Variants in LHFPL2 observed in about 807,000 individuals in gnomAD.
LHFPL2 encodes the protein LHFPL tetraspan subfamily member 2, also known as LHFPL tetraspan subfamily member 2 protein.
In LHFPL2, 7 loss-of-function variants were observed where a neutral mutation model predicts 17.5. That is an observed-to-expected ratio of 0.40 (90% CI 0.23 to 0.75). The LOEUF is 0.75. Ranked by LOEUF, LHFPL2 falls within the 30% of genes least tolerant of loss-of-function variation. The pLI is 0.37. For synonymous variants in LHFPL2, 134 were observed against 116.2 expected (o/e 1.15, Z -0.99); for missense variants, 241 against 294.8 (o/e 0.82, Z 1.34).
intron 2 of LHFPL2, among the ~76,000 whole-genome samples, chr5:78,618,668 T>C (rs758079576): frequency 1.6e-4 from 25 of 152,342 alleles, no homozygotes; most frequent in Middle Eastern, 3.4e-3. Context: ...GTCAGTCCGG[T>C]GACACGTACT....
intron 1 of LHFPL2, among the ~76,000 whole-genome samples, chr5:78,636,127 C>T (rs911203503): frequency 6.6e-6 from 1 of 152,158 alleles, no homozygotes; most frequent in African/African-American, 2.4e-5. Flanking sequence ...CTGAGGCTGC[C>T]GTCTGTGGCC....
At chr5:78,577,924 C>A (rs1280548606) in intron 2 of LHFPL2, among the ~76,000 whole-genome samples, 1 of 152,032 alleles carries the variant, frequency 6.6e-6, no homozygotes, top group African/African-American at 2.4e-5. Flanking sequence ...TTGCCCTTGG[C>A]CTCCTGGAAT....
At chr5:78,604,001 C>T (rs1346749692) in intron 2 of LHFPL2, among the ~76,000 whole-genome samples, 1 of 151,976 alleles carries the variant, frequency 6.6e-6, no homozygotes, top group African/African-American at 2.4e-5. Context: ...CACGGCAAGA[C>T]CCTACCTGCC....
At chr5:78,523,613 C>T (rs926500624) in intron 3 of LHFPL2, among the ~76,000 whole-genome samples, 4 of 152,130 alleles carry the variant, frequency 2.6e-5, no homozygotes, top group Non-Finnish European at 2.9e-5. Context: ...AGGGCGAGGA[C>T]AGAATGAGGG....
At chr5:78,610,587 C>A (rs1049449021) in intron 2 of LHFPL2, among the ~76,000 whole-genome samples, 4 of 152,152 alleles carry the variant, frequency 2.6e-5, no homozygotes, top group African/African-American at 9.7e-5. Flanking sequence ...AAACCCAGGA[C>A]ACCAGCACAT....
chr5:78,647,665 T>C (rs1047623391), intron 1 of LHFPL2, among the ~76,000 whole-genome samples: 2 of 152,084 alleles, frequency 1.3e-5, no homozygotes, highest in African/African-American at 2.4e-5. Flanking sequence ...GGGGTGGGGA[T>C]AGGACTTTGT....
In LHFPL2 at chr5:78,648,119, G is replaced by T. The variant is rs567069559; in HGVS notation, c.-350+380C>A. ...AGCGGTGCCAGGCGCGCTGGAACCC[G>T]GCGCCCAGCTGCGCCTGGGACCCAC... On this transcript the variant is annotated intron_variant, in intron 1 of 4. Coordinates refer to ENST00000380345, the MANE Select transcript of LHFPL2 (RefSeq NM_005779.3). This position sits in a 1 kb window ranked among gnomAD's most constrained non-coding sequence, Gnocchi z 5.4. Among the ~76,000 whole-genome samples, 1 of 152,284 alleles carries T rather than the reference G, an allele frequency of 6.6e-6. No individual in the cohort carries two copies. The highest frequency in any genetic ancestry group is 1.5e-5 in the Non-Finnish European group (1 of 68,004).
At chr5:78,638,635 C>T (rs561718872) in intron 1 of LHFPL2, among the ~76,000 whole-genome samples, 9 of 152,278 alleles carry the variant, frequency 5.9e-5, no homozygotes, top group East Asian at 1.9e-4. Context: ...GCCCTCCGGC[C>T]GCCTGCAAAG....
intron 2 of LHFPL2, among the ~76,000 whole-genome samples, chr5:78,618,543 C>T (rs1281963803): frequency 6.6e-6 from 1 of 152,218 alleles, no homozygotes; most frequent in African/African-American, 2.4e-5. Context: ...TATGGCCTCT[C>T]CTGCCATGAT....
intron 2 of LHFPL2, among the ~76,000 whole-genome samples, chr5:78,589,304 A>C (rs555251216): frequency 6.6e-6 from 1 of 152,008 alleles, no homozygotes; most frequent in Non-Finnish European, 1.5e-5. Flanking sequence ...CCCCATTTCT[A>C]CTCAAAATAA....
At chr5:78,594,139 G>A (rs1743746058) in intron 2 of LHFPL2, among the ~76,000 whole-genome samples, 1 of 152,214 alleles carries the variant, frequency 6.6e-6, no homozygotes, top group Non-Finnish European at 1.5e-5. Context: ...GGGCCAGACA[G>A]TTATCCTGGC....
chr5:78,505,700 G>A (rs1049910107), intron 4 of LHFPL2, among the ~76,000 whole-genome samples: 2 of 152,192 alleles, frequency 1.3e-5, no homozygotes, highest in Non-Finnish European at 1.5e-5. Context: ...TCCCTGTTCC[G>A]TAGAATGCAA....
At chr5:78,627,902 A>T (rs1289590432) in intron 2 of LHFPL2, among the ~76,000 whole-genome samples, 1 of 152,248 alleles carries the variant, frequency 6.6e-6, no homozygotes, top group East Asian at 1.9e-4. Flanking sequence ...CAGAAGCAAA[A>T]GACTAAGTCC....
chr5:78,490,291 G>A (rs751398294), intron 4 of LHFPL2, among the ~76,000 whole-genome samples: 4 of 152,124 alleles, frequency 2.6e-5, no homozygotes, highest in Non-Finnish European at 5.9e-5. Flanking sequence ...AAAAGGAGTC[G>A]CTTGCTGACC....
At position 78,531,659 on chromosome 5, in the gene LHFPL2, G is replaced by A. The variant is rs149232493; in HGVS notation, c.-185-21261C>T. Among the ~76,000 whole-genome samples, 3 of 152,260 alleles carry A rather than the reference G, an allele frequency of 2.0e-5. No homozygotes were observed. In the East Asian group the frequency reaches 5.8e-4, roughly 29 times the overall value. The stretch of plus-strand genomic sequence containing the variant: ...GAATAAAACCCTACTTGATGGGGTA[G>A]CAATGGGCCCGGCTCAAAAGCCTAC... On this transcript the variant is annotated intron_variant, in intron 3 of 4. Transcript: ENST00000380345.
intron 2 of LHFPL2, among the ~76,000 whole-genome samples, chr5:78,576,825 C>T (rs1342727081): frequency 6.6e-6 from 1 of 152,134 alleles, no homozygotes; most frequent in Non-Finnish European, 1.5e-5. Flanking sequence ...TATATAGATA[C>T]CAACAGTCTT....
chr5:78,527,411 T>C (rs1452844962), intron 3 of LHFPL2, among the ~76,000 whole-genome samples: 3 of 136,662 alleles, frequency 2.2e-5, no homozygotes, highest in Non-Finnish European at 4.6e-5. Context: ...GAGAAGTCAC[T>C]GAGAGCCTAG....
chr5:78,510,950 C>T (rs1416948758), intron 3 of LHFPL2, among the ~76,000 whole-genome samples: 3 of 151,314 alleles, frequency 2.0e-5, no homozygotes, highest in Non-Finnish European at 4.4e-5. Context: ...AATTAAATTA[C>T]TAGCAGAGAC....
intron 3 of LHFPL2, among the ~76,000 whole-genome samples, chr5:78,524,778 C>T (rs905004564): frequency 6.6e-6 from 1 of 151,202 alleles, no homozygotes; most frequent in African/African-American, 2.4e-5. Context: ...TAGACATCCT[C>T]AGAATCTCAA....
Sources: allele counts gnomAD v4.1 joint callset (sites outside exome capture counted in the v4.1 genomes callset), GRCh38; gene constraint gnomAD v4.1.1; non-coding constraint Gnocchi (gnomAD v3.1); transcripts MANE v1.5; gene names NCBI Gene and HGNC (gene_info 2026-07-23, HGNC 2026-07-21).